The following CACNA1A variants were observed in gnomAD, a reference collection of about 807,000 sequenced individuals.
The protein encoded by CACNA1A is calcium voltage-gated channel subunit alpha1 A, also known as voltage-dependent P/Q-type calcium channel subunit alpha-1A.
In CACNA1A, 57 loss-of-function variants were observed where a neutral mutation model predicts 262.4. The observed-to-expected ratio is 0.22, with a 90% CI of 0.18 to 0.27. CACNA1A has a LOEUF of 0.27. CACNA1A is among the 10% of genes least tolerant of loss of function. The probability of loss-of-function intolerance (pLI) is 1.00; values close to 1 mark genes in which losing one functional copy is unlikely to be tolerated. For missense variants in CACNA1A, 2,526 were observed against 3,562.8 expected (o/e 0.71, Z 7.41); for synonymous variants, 1,431 against 1,419.3 (o/e 1.01, Z -0.18).
rs2054582992 is a variant in CACNA1A, at chr19:13,206,829, T to G, written c.*484A>C. ...ACTGGGATTCTGGTTCCTTCTGGCT[T>G]CTTTGCCGCACTCGGCCACCAGCTG... On this transcript the variant is annotated 3_prime_UTR_variant, in exon 47 of 47. Transcript: ENST00000360228. The G allele has an allele frequency of 6.4e-6, 1 of 155,132 alleles. No homozygotes were observed. The allele number at this position is 155,132 out of a possible 1,614,324, so 9.6% of individuals were successfully genotyped here. A position where few individuals can be genotyped will look rare whatever the true frequency, so the allele number is the denominator to read the frequency against.
chr19:13,448,405 G>C (rs2060856114), intron 3 of CACNA1A, among the ~76,000 whole-genome samples: 1 of 152,016 alleles, frequency 6.6e-6, no homozygotes, highest in Admixed American at 6.6e-5. Flanking sequence ...TGGGTACTAG[G>C]CTTAATACGT....
chr19:13,490,717 GAAAGAAAGAAAGAA>G (rs765582618), intron 1 of CACNA1A, among the ~76,000 whole-genome samples: 2 of 99,142 alleles, frequency 2.0e-5, no homozygotes, highest in African/African-American at 7.6e-5. Flanking sequence ...AAGAAAGAAA[GAAAGAAAGAAAGAA>G]AGAGAAAAGA....
rs778130895 is a variant in CACNA1A at position 13,214,848 on chromosome 19, G to A, written c.5732-240C>T. 13 of 518,838 alleles carry A rather than the reference G, an allele frequency of 2.5e-5. No individual in the cohort carries two copies. Among genetic ancestry groups the A allele is most frequent in the South Asian group, 1.5e-4 (5 of 33,992 alleles). 32.1% of individuals were successfully genotyped at this position (518,838 alleles called of 1,614,324 possible). On this transcript the variant is annotated intron_variant, in intron 38 of 46. Coordinates refer to ENST00000360228, the MANE Select transcript of CACNA1A (RefSeq NM_001127222.2). The surrounding 1 kb of genome is among the most constrained non-coding windows in gnomAD (Gnocchi z 4.1). ...GGAGCAGCTGTGCAGGAGACAGCCC[G>A]GCATGGAGAACAGCTGGGCGACCTG... is the stretch of plus-strand genomic sequence containing the variant.
At position 13,210,643 on chromosome 19, in the gene CACNA1A, C is replaced by T. The variant is rs1376625416; in HGVS notation, c.6313G>A (p.Gly2105Ser). 3 of 1,564,746 alleles carry T rather than the reference C, an allele frequency of 1.9e-6. No homozygotes were observed. The highest frequency in any genetic ancestry group is 2.4e-5 in the East Asian group (1 of 42,042). ...RLPAENQRRR[G>S]RPRGNNLSTI... ...CTGAGGTTATTCCCACGTGGCCGGC[C>T]CCTTCTCCTCTGTCACAGCCCCATG... Residue 2105 changes from glycine (G) to serine (S), a missense_variant, in exon 44 of 47, where the codon GGC (glycine) becomes AGC (serine). Coordinates refer to ENST00000360228, the MANE Select transcript of CACNA1A (RefSeq NM_001127222.2).
At chr19:13,333,238 C>G (rs1477040101) in intron 8 of CACNA1A, among the ~76,000 whole-genome samples, 1 of 152,190 alleles carries the variant, frequency 6.6e-6, no homozygotes, top group African/African-American at 2.4e-5. Context: ...ACCTCTCACT[C>G]TGTTTCAGCT....
rs757953057 is a variant in CACNA1A, at chr19:13,286,523, A to AG, written c.3532dup (p.Leu1178ProfsTer38). On this transcript the variant is annotated frameshift_variant, in exon 20 of 47. Transcript: ENST00000360228. LOFTEE classifies it high-confidence loss of function. ...CTCACCTTGTACGACGGTGTGGTTG[A>AG]GGGGGGGTGGGCAGGCTGGGGGGAT... 4.1e-6 allele frequency: 4 copies of AG among 980,856 alleles called. No individual in the cohort carries two copies. Among genetic ancestry groups the AG allele is most frequent in the South Asian group, 1.6e-5 (1 of 63,202 alleles). 60.8% of individuals were successfully genotyped at this position (980,856 alleles called of 1,614,324 possible).
Position 13,300,667 on chromosome 19 carries a change from C to T in CACNA1A, c.2173-11G>A, listed in dbSNP as rs367573994. The T allele has an allele frequency of 1.2e-6, 2 of 1,609,738 alleles. No homozygotes were observed. Among genetic ancestry groups the T allele is most frequent in the Non-Finnish European group, 1.7e-6 (2 of 1,176,174 alleles). On this transcript the variant is annotated splice_polypyrimidine_tract_variant and intron_variant, in intron 17 of 46. Transcript: ENST00000360228. ...TTCCTCTTGCTCGTCCTAAAAGGCA[C>T]GTGGAATCTTTGTTCACAAAACATG...
chr19:13,313,586 T>G (rs1464394242), intron 11 of CACNA1A, among the ~76,000 whole-genome samples: 1 of 150,134 alleles, frequency 6.7e-6, no homozygotes, highest in African/African-American at 2.5e-5. Flanking sequence ...TTAAAAGGAA[T>G]GAGAAAAATA....
chr19:13,281,351 C>A (rs1461101122), intron 22 of CACNA1A, among the ~76,000 whole-genome samples: 1 of 145,234 alleles, frequency 6.9e-6, no homozygotes, highest in Non-Finnish European at 1.5e-5. Flanking sequence ...GCACCCCAAC[C>A]TGGGCGACAG....
chr19:13,418,500 G>A (rs2060263482), intron 3 of CACNA1A, among the ~76,000 whole-genome samples: 1 of 152,118 alleles, frequency 6.6e-6, no homozygotes, highest in African/African-American at 2.4e-5. Flanking sequence ...GAATATGAGG[G>A]CAAGAGTTTA....
At chr19:13,505,387 C>A (rs747002719) in intron 1 of CACNA1A, among the ~76,000 whole-genome samples, 14 of 152,202 alleles carry the variant, frequency 9.2e-5, no homozygotes, top group Non-Finnish European at 1.3e-4. Flanking sequence ...TTGCTCTTAG[C>A]CCTGGGAGCC....
chr19:13,231,177 ATTTT>A (rs71168692), intron 35 of CACNA1A, among the ~76,000 whole-genome samples: 5 of 139,138 alleles, frequency 3.6e-5, no homozygotes, highest in African/African-American at 1.3e-4. Context: ...AGCTAATTCA[ATTTT>A]TTTTTTTTTT....
chr19:13,266,757 T>C (rs1253464225), intron 24 of CACNA1A, among the ~76,000 whole-genome samples: 1 of 152,056 alleles, frequency 6.6e-6, no homozygotes, highest in Non-Finnish European at 1.5e-5. Context: ...GCATTTTTAG[T>C]AGAGATGGGG....
intron 1 of CACNA1A, among the ~76,000 whole-genome samples, chr19:13,457,829 G>A (rs1384141144): frequency 2.7e-5 from 4 of 148,326 alleles, no homozygotes; most frequent in Non-Finnish European, 5.9e-5. Context: ...CTCCAGCCTG[G>A]GCAACAAAAG....
chr19:13,275,041 C>T (rs956809196), intron 24 of CACNA1A: 1 of 151,222 alleles, frequency 6.6e-6, no homozygotes, highest in Non-Finnish European at 1.5e-5. Flanking sequence ...ACTCAGGGGC[C>T]ATCTTGCAAT....
At chr19:13,221,947 C>T (rs892694986) in intron 38 of CACNA1A, among the ~76,000 whole-genome samples, 1 of 152,020 alleles carries the variant, frequency 6.6e-6, no homozygotes, top group Non-Finnish European at 1.5e-5. Context: ...TGCTCTGTCG[C>T]CCAGGCTAAA....
chr19:13,411,434 G>T (rs1426179144), intron 3 of CACNA1A, among the ~76,000 whole-genome samples: 1 of 152,172 alleles, frequency 6.6e-6, no homozygotes, highest in African/African-American at 2.4e-5. Flanking sequence ...AGTCTCATGA[G>T]ATCTGATGGT....
intron 1 of CACNA1A, among the ~76,000 whole-genome samples, chr19:13,461,415 C>T (rs1229436213): frequency 6.6e-6 from 1 of 152,068 alleles, no homozygotes; most frequent in African/African-American, 2.4e-5. Context: ...AGGAAGGGGA[C>T]ATGGGTCCTG....
chr19:13,433,460 C>CA (rs533297364), intron 3 of CACNA1A, among the ~76,000 whole-genome samples: 788 of 76,120 alleles, frequency 0.01, 42 homozygotes, highest in African/African-American at 0.039. Context: ...GACGCTGTCT[C>CA]AAAAAAAAAA....
Sources: gnomAD v4.1 joint callset for allele counts (sites outside exome capture counted in the v4.1 genomes callset) on GRCh38, gnomAD v4.1.1 for gene constraint, Gnocchi (gnomAD v3.1) non-coding constraint, MANE v1.5 for transcripts, NCBI Gene and HGNC (gene_info 2026-07-23, HGNC 2026-07-21) for gene names.